TBC1D8: variants seen among roughly 807,000 people sequenced by gnomAD.
TBC1D8 encodes TBC1 domain family member 8.
In TBC1D8, 65 loss-of-function variants were observed where a neutral mutation model predicts 118.8. The ratio of observed to expected loss-of-function variants is 0.55; its 90% CI spans 0.45 to 0.67. The LOEUF (loss-of-function observed/expected upper bound fraction) is 0.67. Among genes scored for constraint, TBC1D8 ranks in the 30% least tolerant of loss-of-function variants. The probability of loss-of-function intolerance (pLI) is 0.00; values close to 1 mark genes in which losing one functional copy is unlikely to be tolerated. For synonymous variants in TBC1D8, 566 were observed against 595.8 expected (o/e 0.95, Z 0.73); for missense variants, 1,376 against 1,471.2 (o/e 0.94, Z 1.06).
At chr2:101,054,552 C>T (rs1044541143) in intron 3 of TBC1D8, among the ~76,000 whole-genome samples, 7 of 151,678 alleles carry the variant, frequency 4.6e-5, no homozygotes, top group Admixed American at 1.3e-4. Context: ...GAATGGCAGT[C>T]GGGGTCAGAA....
intron 1 of TBC1D8, among the ~76,000 whole-genome samples, chr2:101,146,378 C>T (rs1282529084): frequency 1.3e-5 from 2 of 152,196 alleles, no homozygotes; most frequent in African/African-American, 4.8e-5. Flanking sequence ...AATGCAATGA[C>T]AGGAACAGGG....
chr2:101,102,650 A>C (rs1263224393), intron 1 of TBC1D8, among the ~76,000 whole-genome samples: 1 of 152,194 alleles, frequency 6.6e-6, no homozygotes, highest in Non-Finnish European at 1.5e-5. Flanking sequence ...GGATATGGAA[A>C]AAGTATACTA....
chr2:101,096,331 C>A (rs1409018928), intron 1 of TBC1D8, among the ~76,000 whole-genome samples: 1 of 143,770 alleles, frequency 7.0e-6, no homozygotes, highest in African/African-American at 2.6e-5. Flanking sequence ...GAAACACAGC[C>A]CAAGTCTGAG....
At chr2:101,142,414 T>A (rs2104280804) in intron 1 of TBC1D8, among the ~76,000 whole-genome samples, 1 of 152,194 alleles carries the variant, frequency 6.6e-6, no homozygotes, top group East Asian at 1.9e-4. Flanking sequence ...CCCAACAAGG[T>A]CACTCATAGA....
intron 1 of TBC1D8, among the ~76,000 whole-genome samples, chr2:101,107,563 A>G (rs1467898757): frequency 6.6e-6 from 1 of 152,226 alleles, no homozygotes; most frequent in Non-Finnish European, 1.5e-5. Flanking sequence ...AAATTCACAC[A>G]GATGTATTTC....
chr2:101,027,457 G>A lies in TBC1D8; in HGVS notation c.2452-6C>T. 1.2e-6 allele frequency: 2 copies of A among 1,612,488 alleles called. No individual in the cohort carries two copies. Among genetic ancestry groups the A allele is most frequent in the East Asian group, 2.2e-5 (1 of 44,842 alleles). On this transcript the variant is annotated splice_polypyrimidine_tract_variant and splice_region_variant and intron_variant, in intron 14 of 19. Coordinates refer to ENST00000409318, the MANE Select transcript of TBC1D8 (RefSeq NM_001330348.2). ...TCCGGGATAACGACTCGAAGCTTGA[G>A]GAAAGAATAAACAGCAATGGCGTGA... is the stretch of plus-strand genomic sequence containing the variant.
chr2:101,010,062 G>A (rs1016446605), intron 19 of TBC1D8, among the ~76,000 whole-genome samples: 5 of 151,836 alleles, frequency 3.3e-5, no homozygotes, highest in East Asian at 1.9e-4. Flanking sequence ...TTCTGACCTC[G>A]TAATCCACCC....
intron 1 of TBC1D8, among the ~76,000 whole-genome samples, chr2:101,112,214 A>G (rs1677633891): frequency 6.6e-6 from 1 of 152,168 alleles, no homozygotes. Context: ...ACATGACAGC[A>G]AGAACCCTTA....
intron 1 of TBC1D8, chr2:101,109,714 TGA>T: frequency 1.2e-6 from 1 of 845,246 alleles, no homozygotes; most frequent in Non-Finnish European, 1.4e-6. Flanking sequence ...CCCTGAGCAC[TGA>T]GAGATGATGC....
chr2:101,096,996 A>C (rs1386276785), intron 1 of TBC1D8, among the ~76,000 whole-genome samples: 1 of 152,232 alleles, frequency 6.6e-6, no homozygotes, highest in African/African-American at 2.4e-5. Flanking sequence ...GAGAACACTA[A>C]GCAAAATAAA....
intron 2 of TBC1D8, among the ~76,000 whole-genome samples, chr2:101,065,707 T>A (rs1444607413): frequency 1.3e-5 from 2 of 152,224 alleles, no homozygotes; most frequent in South Asian, 2.1e-4. Flanking sequence ...TCCTTGGCTT[T>A]TTTTTGCCTT....
At chr2:101,032,078 C>G (rs1680701728) in intron 11 of TBC1D8, among the ~76,000 whole-genome samples, 190 bp downstream of exon 11, 1 of 152,138 alleles carries the variant, frequency 6.6e-6, no homozygotes, top group Non-Finnish European at 1.5e-5. Flanking sequence ...TTCTTTATTC[C>G]ACTACATTGT....
intron 1 of TBC1D8, among the ~76,000 whole-genome samples, chr2:101,109,031 T>G (rs534811080): frequency 6.6e-6 from 1 of 152,330 alleles, no homozygotes; most frequent in East Asian, 1.9e-4. Flanking sequence ...AAAGTTTATT[T>G]TTTTAAGAAG....
intron 17 of TBC1D8, among the ~76,000 whole-genome samples, chr2:101,014,780 G>A (rs752627524): frequency 2.0e-5 from 3 of 152,170 alleles, no homozygotes; most frequent in African/African-American, 4.8e-5. Context: ...TAGCATAGCC[G>A]TAAGAAAAGC....
intron 1 of TBC1D8, among the ~76,000 whole-genome samples, chr2:101,125,640 C>T (rs1265311108): frequency 6.6e-6 from 1 of 152,198 alleles, no homozygotes; most frequent in Non-Finnish European, 1.5e-5. Flanking sequence ...GGCAATGTTT[C>T]CTGTCTTTTT....
chr2:101,090,872 T>C (rs1014217655), intron 1 of TBC1D8, among the ~76,000 whole-genome samples: 2 of 152,258 alleles, frequency 1.3e-5, no homozygotes, highest in Non-Finnish European at 2.9e-5. Context: ...GTGCTTAAAC[T>C]ATTGCAAGCC....
intron 19 of TBC1D8, 149 bp from the exon 20 acceptor site, chr2:101,008,422 A>AAACT: frequency 1.5e-6 from 1 of 683,882 alleles, no homozygotes; most frequent in Non-Finnish European, 2.3e-6. Context: ...TTTCCACTCT[A>AAACT]AACTATTAAC....
At chr2:101,148,933 G>T (rs1280230585) in intron 1 of TBC1D8, among the ~76,000 whole-genome samples, 1 of 152,160 alleles carries the variant, frequency 6.6e-6, no homozygotes, top group Admixed American at 6.5e-5. Context: ...TGTGTCCCAT[G>T]GGTCTTGACT....
intron 1 of TBC1D8, among the ~76,000 whole-genome samples, chr2:101,114,736 A>G (rs1677744667): frequency 6.6e-6 from 1 of 152,258 alleles, no homozygotes; most frequent in African/African-American, 2.4e-5. Context: ...CACACAGTGC[A>G]GACATTTCAG....
Sources: allele counts gnomAD v4.1 joint callset (sites outside exome capture counted in the v4.1 genomes callset), GRCh38; gene constraint gnomAD v4.1.1; transcripts MANE v1.5; gene names NCBI Gene and HGNC (gene_info 2026-07-23, HGNC 2026-07-21).